Variants in ADGRB3 observed in about 807,000 individuals in gnomAD.
ADGRB3 encodes adhesion G protein-coupled receptor B3.
ADGRB3 carries 37 observed loss-of-function variants against 193.4 expected under a neutral mutation model. The ratio of observed to expected loss-of-function variants is 0.19; its 90% CI spans 0.15 to 0.25. The LOEUF is 0.25. Among genes scored for constraint, ADGRB3 ranks in the 10% least tolerant of loss-of-function variants. ADGRB3 has a pLI of 1.00. For synonymous variants in ADGRB3, 690 were observed against 644.2 expected (o/e 1.07, Z -1.08); for missense variants, 1,637 against 1,852.9 (o/e 0.88, Z 2.14).
intron 17 of ADGRB3, among the ~76,000 whole-genome samples, chr6:69,122,009 C>CG: frequency 3.9e-5 from 1 of 25,370 alleles, no homozygotes; most frequent in East Asian, 0.016. Flanking sequence ...ACTTCCCAGA[C>CG]AGGGTGGCAG....
At chr6:68,663,960 A>G (rs567471379) in intron 3 of ADGRB3, among the ~76,000 whole-genome samples, 8 of 151,960 alleles carry the variant, frequency 5.3e-5, no homozygotes, top group Non-Finnish European at 7.4e-5. Flanking sequence ...TTTAATTTTC[A>G]CTAAAAGCAT....
chr6:69,038,797 A>T (rs980726301), intron 13 of ADGRB3, among the ~76,000 whole-genome samples: 1 of 152,366 alleles, frequency 6.6e-6, no homozygotes, highest in African/African-American at 2.4e-5. Context: ...CTCTTTAAAG[A>T]ATAATTATCA....
chr6:69,222,714 G>A (rs976486713), intron 17 of ADGRB3, among the ~76,000 whole-genome samples: 24 of 152,032 alleles, frequency 1.6e-4, no homozygotes, highest in Non-Finnish European at 2.8e-4. Flanking sequence ...TTCAAATTTT[G>A]ATTTGGTGAA....
chr6:68,963,078 C>T (rs1768279401), intron 8 of ADGRB3, among the ~76,000 whole-genome samples: 1 of 152,102 alleles, frequency 6.6e-6, no homozygotes, highest in Admixed American at 6.6e-5. Context: ...ATCCCTGTTC[C>T]AGATGGAGTC....
At chr6:68,743,130 T>A (rs1361912755) in intron 3 of ADGRB3, among the ~76,000 whole-genome samples, 1 of 152,024 alleles carries the variant, frequency 6.6e-6, no homozygotes, top group East Asian at 1.9e-4. Context: ...AATATTTAAT[T>A]ATAGATTCTT....
intron 17 of ADGRB3, among the ~76,000 whole-genome samples, chr6:69,132,237 C>T (rs9363985): frequency 0.3 from 45,708 of 152,004 alleles, 9,228 homozygotes; most frequent in East Asian, 0.94. Flanking sequence ...ATTTACACTC[C>T]CATCAACAGT....
chr6:68,975,485 G>T, intron 10 of ADGRB3, 145 bp downstream of exon 10: 1 of 617,908 alleles, frequency 1.6e-6, no homozygotes. Flanking sequence ...GTGATAGAAA[G>T]CTAATTTTTA....
At chr6:68,687,669 A>G (rs955120876) in intron 3 of ADGRB3, among the ~76,000 whole-genome samples, 1 of 152,136 alleles carries the variant, frequency 6.6e-6, no homozygotes, top group African/African-American at 2.4e-5. Flanking sequence ...ATCAACAAAC[A>G]CTTACTGTGT....
chr6:68,772,419 T>C (rs1766635734), intron 3 of ADGRB3, among the ~76,000 whole-genome samples: 1 of 152,094 alleles, frequency 6.6e-6, no homozygotes. Flanking sequence ...AGATGTTGTA[T>C]GAGTCTCCTG....
intron 17 of ADGRB3, among the ~76,000 whole-genome samples, chr6:69,114,015 A>G (rs1455346640): frequency 2.0e-5 from 3 of 152,172 alleles, no homozygotes; most frequent in African/African-American, 7.2e-5. Context: ...GGTGCCCAGG[A>G]CAATGAATGG....
intron 17 of ADGRB3, among the ~76,000 whole-genome samples, chr6:69,092,773 G>T (rs1265439447): frequency 6.6e-6 from 1 of 152,150 alleles, no homozygotes; most frequent in African/African-American, 2.4e-5. Context: ...TACCTGAATT[G>T]GTTTGTGAAG....
At chr6:69,133,530 A>G (rs1157515627) in intron 17 of ADGRB3, among the ~76,000 whole-genome samples, 3 of 152,084 alleles carry the variant, frequency 2.0e-5, no homozygotes, top group Admixed American at 6.6e-5. Flanking sequence ...GCCAAATTCT[A>G]CCAGAGGTAC....
intron 3 of ADGRB3, among the ~76,000 whole-genome samples, chr6:68,912,416 G>T (rs1766741228): frequency 6.6e-6 from 1 of 151,552 alleles, no homozygotes; most frequent in South Asian, 2.1e-4. Flanking sequence ...TGTGCACAAT[G>T]TGCAGGTTAG....
At chr6:68,974,202 A>C (rs771183141) in intron 8 of ADGRB3, among the ~76,000 whole-genome samples, 9 of 152,178 alleles carry the variant, frequency 5.9e-5, no homozygotes, top group Non-Finnish European at 1.2e-4. Context: ...AATATGTTCA[A>C]CTTGTAGGCA....
chr6:69,285,311 G>C (rs2127288891), intron 20 of ADGRB3, among the ~76,000 whole-genome samples: 1 of 152,260 alleles, frequency 6.6e-6, no homozygotes, highest in Non-Finnish European at 1.5e-5. Flanking sequence ...CCACAAACCT[G>C]GCTCACTGCA....
intron 17 of ADGRB3, among the ~76,000 whole-genome samples, chr6:69,137,719 C>T (rs955175896): frequency 2.6e-5 from 4 of 152,082 alleles, no homozygotes; most frequent in Non-Finnish European, 5.9e-5. Flanking sequence ...ATCACTTGAA[C>T]CCGGGAAGCT....
intron 23 of ADGRB3, chr6:69,332,531 AT>A: frequency 4.1e-6 from 4 of 985,390 alleles, no homozygotes; most frequent in Non-Finnish European, 4.8e-6. Context: ...CCCTAACCTC[AT>A]ACTCTAAGAT....
intron 13 of ADGRB3, among the ~76,000 whole-genome samples, chr6:69,031,334 G>A (rs947653743): frequency 3.3e-5 from 5 of 151,130 alleles, no homozygotes; most frequent in Admixed American, 3.3e-4. Flanking sequence ...CCAGCTACTC[G>A]GGAGGCTGAG....
intron 3 of ADGRB3, among the ~76,000 whole-genome samples, chr6:68,879,148 A>G (rs997627726): frequency 1.3e-4 from 19 of 151,842 alleles, no homozygotes; most frequent in African/African-American, 7.3e-5. Flanking sequence ...ATGTCTGGAA[A>G]TAGGTGCTCC....
Sources: allele counts gnomAD v4.1 joint callset (sites outside exome capture counted in the v4.1 genomes callset), GRCh38; gene constraint gnomAD v4.1.1; transcripts MANE v1.5; gene names NCBI Gene and HGNC (gene_info 2026-07-23, HGNC 2026-07-21).